Variants in SNUPN observed in about 807,000 individuals in gnomAD.
SNUPN encodes snurportin-1.
In SNUPN, 31 loss-of-function variants were observed where a neutral mutation model predicts 39.2. That is an observed-to-expected ratio of 0.79 (90% CI 0.59 to 1.07). The LOEUF (loss-of-function observed/expected upper bound fraction) is 1.07. Ranked by LOEUF, SNUPN falls within the 50% of genes least tolerant of loss-of-function variation. SNUPN has a pLI of 0.00. For missense variants in SNUPN, 382 were observed against 434.2 expected (o/e 0.88, Z 1.07); for synonymous variants, 132 against 159.0 (o/e 0.83, Z 1.28).
rs1595981082 is a variant in SNUPN at position 75,601,338 on chromosome 15, G to T, written c.679-120C>A. The T allele has an allele frequency of 1.1e-5, 7 of 665,992 alleles. No individual in the cohort carries two copies. The East Asian group carries it at 2.1e-4, about 20-fold the overall frequency. 41.3% of individuals were successfully genotyped at this position (665,992 alleles called of 1,614,324 possible). ...ACCTGTAATCCCAGCACTTTGGGAG[G>T]CAAAGTCAGGAGGATCACCTGAGGT... is the stretch of plus-strand genomic sequence containing the variant. On this transcript the variant is annotated intron_variant, in intron 7 of 8. Transcript: ENST00000308588.
intron 8 of SNUPN, 41 bp from the exon 9 acceptor site, chr15:75,598,722 G>C: frequency 6.7e-7 from 1 of 1,503,146 alleles, no homozygotes; most frequent in Non-Finnish European, 9.1e-7. Context: ...TGACTTCTGG[G>C]GCCACATGTT....
chr15:75,611,557 T>TA (rs1180023665), intron 3 of SNUPN, among the ~76,000 whole-genome samples: 3 of 150,406 alleles, frequency 2.0e-5, no homozygotes, highest in South Asian at 2.2e-4. Flanking sequence ...CGGCTCACTT[T>TA]AAAAAAAAAC....
At chr15:75,603,660 CAAA>C (rs775817247) in intron 7 of SNUPN, among the ~76,000 whole-genome samples, 26 of 44,152 alleles carry the variant, frequency 5.9e-4, no homozygotes, top group African/African-American at 1.6e-3. Context: ...GACTCTGTCT[CAAA>C]AAAAAAAAAA....
intron 5 of SNUPN, among the ~76,000 whole-genome samples, 161 bp from the exon 6 acceptor site, chr15:75,607,474 C>A (rs2075340164): frequency 6.6e-6 from 1 of 152,082 alleles, no homozygotes; most frequent in Non-Finnish European, 1.5e-5. Flanking sequence ...GGGAGAGAAC[C>A]CTGCCTGGCT....
At chr15:75,619,729 T>C (rs529103158) in intron 2 of SNUPN, among the ~76,000 whole-genome samples, 195 of 152,166 alleles carry the variant, frequency 1.3e-3, no homozygotes, top group African/African-American at 4.4e-3. Flanking sequence ...GACCTCACCA[T>C]ATACTCTTCT....
intron 3 of SNUPN, among the ~76,000 whole-genome samples, chr15:75,615,696 G>C (rs1892910879): frequency 7.0e-6 from 1 of 142,982 alleles, no homozygotes; most frequent in Non-Finnish European, 1.5e-5. Flanking sequence ...CCGCCTCCCA[G>C]GTTCACACCA....
chr15:75,624,608 G>T, intron 1 of SNUPN: 1 of 479,130 alleles, frequency 2.1e-6, no homozygotes, highest in South Asian at 6.7e-5. Context: ...GTAAGGCGGA[G>T]CTTGCAGTGA....
chr15:75,605,094 G>A (rs1273252920), intron 7 of SNUPN, 56 bp downstream of exon 7: 1 of 1,078,200 alleles, frequency 9.3e-7, no homozygotes, highest in Non-Finnish European at 1.4e-6. Context: ...TTAGATAACA[G>A]ACCAATCCAC....
At chr15:75,615,771 A>AT (rs967561931) in intron 3 of SNUPN, among the ~76,000 whole-genome samples, 16 of 146,842 alleles carry the variant, frequency 1.1e-4, no homozygotes, top group South Asian at 2.2e-4. Context: ...CGCCTGGCTA[A>AT]TTTTTTTTTT....
At chr15:75,611,308 A>C (rs1449837894) in intron 3 of SNUPN, among the ~76,000 whole-genome samples, 10 of 148,708 alleles carry the variant, frequency 6.7e-5, no homozygotes, top group Non-Finnish European at 1.0e-4. Context: ...GCTGGAGTGC[A>C]GTGGCGCTAT....
chr15:75,619,640 T>A (rs770072971), intron 2 of SNUPN, among the ~76,000 whole-genome samples: 1 of 151,976 alleles, frequency 6.6e-6, no homozygotes, highest in Non-Finnish European at 1.5e-5. Context: ...CTGTCTAAAA[T>A]ATATATATAT....
chr15:75,605,296 C>T, intron 6 of SNUPN, 69 bp from the exon 7 acceptor site: 1 of 1,072,290 alleles, frequency 9.3e-7, no homozygotes, highest in African/African-American at 1.6e-5. Context: ...AACAAAAACA[C>T]CCCATGCTAT....
Position 75,599,083 on chromosome 15 carries a change from C to T in SNUPN, c.760-402G>A, listed in dbSNP as rs529208127. Among the ~76,000 whole-genome samples, 6 of 151,914 alleles carry T rather than the reference C, an allele frequency of 3.9e-5. No individual in the cohort carries two copies. In the East Asian group the frequency reaches 9.7e-4, roughly 25 times the overall value. On this transcript the variant is annotated intron_variant, in intron 8 of 8. Coordinates refer to ENST00000308588, the MANE Select transcript of SNUPN (RefSeq NM_005701.4). ...ACTCGGGTGTCTGAGACACGACAAC[C>T]GCTTGAACCCAGTAGGCAGAGGATG...
intron 1 of SNUPN, among the ~76,000 whole-genome samples, chr15:75,623,824 G>T (rs151185631): frequency 2.0e-5 from 3 of 152,112 alleles, no homozygotes; most frequent in Non-Finnish European, 4.4e-5. Flanking sequence ...TGAGTGCTTG[G>T]GATCCATATG....
At chr15:75,600,707 G>T in intron 8 of SNUPN, 1 of 193,448 alleles carries the variant, frequency 5.2e-6, no homozygotes, top group Non-Finnish European at 1.1e-5. Context: ...GAAAGGATTA[G>T]GGATTTGGAC....
chr15:75,602,511 G>A (rs368125056), intron 7 of SNUPN, among the ~76,000 whole-genome samples: 1 of 140,192 alleles, frequency 7.1e-6, no homozygotes, highest in Non-Finnish European at 1.5e-5. Flanking sequence ...GAGCAACAGA[G>A]CAAGACTCGG....
At chr15:75,614,116 T>C (rs4886450) in intron 3 of SNUPN, among the ~76,000 whole-genome samples, 83,903 of 151,662 alleles carry the variant, frequency 0.55, 24,024 homozygotes, top group African/African-American at 0.7. Context: ...ATGGTGAAAC[T>C]CCCGTCTCTA....
chr15:75,616,612 C>T (rs907553044), intron 3 of SNUPN, among the ~76,000 whole-genome samples: 3 of 152,082 alleles, frequency 2.0e-5, no homozygotes, highest in Admixed American at 2.0e-4. Flanking sequence ...ATTCTAAAGG[C>T]AGGGGAGAAT....
rs771315895 is a variant in SNUPN, at chr15:75,598,509, T to G, written c.932A>C (p.Glu311Ala). The change falls in exon 9 of 9, where the codon GAG becomes GCG. Residue 311 changes from glutamate (E) to alanine (A), a missense_variant. Glu to Ala is a moderately radical substitution (Grantham distance 107). Transcript: ENST00000308588. ...GCCTTCCTTCTGGCTCTTCTTGTGCTCCATAATCTGCTGGAGCTGGTGCCC... is the reference window on the plus strand; with the variant it reads ...GCCTTCCTTCTGGCTCTTCTTGTGCGCCATAATCTGCTGGAGCTGGTGCCC... Reference protein sequence around the residue: ...YAGHQLQQIMEHKKSQKEGMK... With the variant: ...YAGHQLQQIMAHKKSQKEGMK... 1 of 1,614,222 alleles carries G rather than the reference T, an allele frequency of 6.2e-7. No homozygotes were observed. Among genetic ancestry groups the G allele is most frequent in the African/African-American group, 1.3e-5 (1 of 75,056 alleles).
Sources: allele counts gnomAD v4.1 joint callset (sites outside exome capture counted in the v4.1 genomes callset), GRCh38; gene constraint gnomAD v4.1.1; transcripts MANE v1.5; gene names NCBI Gene and HGNC (gene_info 2026-07-23, HGNC 2026-07-21).